The following NCK2 variants were observed in gnomAD, a reference collection of about 807,000 sequenced individuals.
The protein encoded by NCK2 is NCK adaptor protein 2, also known as cytoplasmic protein NCK2.
Under a neutral mutation model 33.9 loss-of-function variants are expected in NCK2, and 16 were observed. That is an observed-to-expected ratio of 0.47 (90% confidence interval 0.32 to 0.72). The LOEUF is 0.72. Among genes scored for constraint, NCK2 ranks in the 30% least tolerant of loss-of-function variants. The pLI is 0.03. For synonymous variants in NCK2, 273 were observed against 239.9 expected, an observed-to-expected ratio of 1.14 and a Z score of -1.27; for missense variants, 418 against 537.3, an observed-to-expected ratio of 0.78 and a Z score of 2.19.
intron 2 of NCK2, among the ~76,000 whole-genome samples, chr2:105,828,265 C>G (rs539570289): frequency 6.6e-6 from 1 of 152,118 alleles, no homozygotes; most frequent in Non-Finnish European, 1.5e-5. Context: ...GGGCACCGTT[C>G]AAGATTGCTG....
intron 1 of NCK2, among the ~76,000 whole-genome samples, chr2:105,753,771 G>A (rs1305619568): frequency 1.3e-5 from 2 of 152,260 alleles, no homozygotes; most frequent in African/African-American, 2.4e-5. Context: ...GGTTCTTGCT[G>A]AAAACCTTGT....
chr2:105,869,813 A>T (rs1272547428), intron 3 of NCK2, among the ~76,000 whole-genome samples: 2 of 152,220 alleles, frequency 1.3e-5, no homozygotes, highest in African/African-American at 4.8e-5. Context: ...ATTTTTAATT[A>T]AAAATTATAA....
chr2:105,813,959 T>G (rs570393759), intron 1 of NCK2, among the ~76,000 whole-genome samples: 1 of 152,328 alleles, frequency 6.6e-6, no homozygotes, highest in East Asian at 1.9e-4. Flanking sequence ...CACACACTCC[T>G]TCTGTATATT....
intron 3 of NCK2, among the ~76,000 whole-genome samples, chr2:105,859,532 C>T (rs1020783458): frequency 3.9e-5 from 6 of 152,212 alleles, no homozygotes; most frequent in African/African-American, 1.4e-4. Flanking sequence ...TGATCCAACC[C>T]AGACCTGGGA....
intron 1 of NCK2, among the ~76,000 whole-genome samples, chr2:105,775,233 G>A (rs1343772464): frequency 6.6e-6 from 1 of 152,148 alleles, no homozygotes; most frequent in East Asian, 1.9e-4. Context: ...CCTAATCAAT[G>A]AGAATTTGCC....
intron 2 of NCK2, among the ~76,000 whole-genome samples, chr2:105,846,273 C>G (rs1002282163): frequency 1.3e-5 from 2 of 151,942 alleles, no homozygotes; most frequent in African/African-American, 4.8e-5. Flanking sequence ...GTAAAATTTC[C>G]CAGACACTAA....
rs1382927137 is a variant in NCK2 at position 105,881,367 on chromosome 2, C to T, written c.266C>T (p.Ala89Val). Residue 89 changes from alanine to valine, a missense_variant, in exon 4 of 5, where the codon GCG becomes GTG. Ala to Val is a moderately conservative substitution (Grantham distance 64). Coordinates refer to ENST00000233154, the MANE Select transcript of NCK2 (RefSeq NM_003581.5). ...CGCAGGAAGACCAGCGCGCGGGATGCGTCCCCCACGCCCAGCACGGACGCC... is the reference window on the plus strand; with the variant it reads ...CGCAGGAAGACCAGCGCGCGGGATGTGTCCCCCACGCCCAGCACGGACGCC... The part of the protein sequence containing the change: ...KTRRKTSARD[A>V]SPTPSTDAEY... The T allele has an allele frequency of 2.5e-6, 4 of 1,607,548 alleles. No homozygotes were observed. In the African/African-American group the frequency reaches 4.0e-5, roughly 16 times the overall value.
At chr2:105,816,968 C>G (rs2104484326) in intron 2 of NCK2, among the ~76,000 whole-genome samples, 1 of 152,204 alleles carries the variant, frequency 6.6e-6, no homozygotes, top group East Asian at 1.9e-4. Flanking sequence ...CTGGTGCTTT[C>G]AGTCTAGGAA....
intron 1 of NCK2, among the ~76,000 whole-genome samples, chr2:105,775,580 A>G (rs1201619378): frequency 2.0e-5 from 3 of 152,042 alleles, no homozygotes; most frequent in Non-Finnish European, 4.4e-5. Flanking sequence ...TTTATGCCTT[A>G]ACTTAAATTG....
intron 1 of NCK2, among the ~76,000 whole-genome samples, chr2:105,790,722 G>A (rs1217308180): frequency 1.1e-4 from 17 of 152,356 alleles, no homozygotes; most frequent in Admixed American, 9.1e-4. Flanking sequence ...GTACATGGGT[G>A]GAGCTTGTCT....
chr2:105,845,989 G>A (rs1259302745), intron 2 of NCK2, among the ~76,000 whole-genome samples: 1 of 152,086 alleles, frequency 6.6e-6, no homozygotes, highest in Non-Finnish European at 1.5e-5. Context: ...GTTGATTCCA[G>A]TGCAGTTATA....
At chr2:105,859,854 G>T (rs1677443599) in intron 3 of NCK2, among the ~76,000 whole-genome samples, 1 of 152,184 alleles carries the variant, frequency 6.6e-6, no homozygotes, top group African/African-American at 2.4e-5. Context: ...CTTCTGTCTT[G>T]GTGATCTGCC....
chr2:105,863,728 G>A (rs570512670), intron 3 of NCK2, among the ~76,000 whole-genome samples: 9 of 152,244 alleles, frequency 5.9e-5, no homozygotes, highest in African/African-American at 2.2e-4. Flanking sequence ...TGCTTTCAGA[G>A]AGCATGTAGC....
chr2:105,776,384 C>T lies in NCK2; in HGVS notation c.-201+31246C>T, dbSNP rs540978051. Among the ~76,000 whole-genome samples the T allele has an allele frequency of 1.8e-4, 28 of 152,366 alleles. No individual in the cohort carries two copies. The South Asian group carries it at 5.8e-3, about 32-fold the overall frequency. Reference sequence around the variant, plus strand: ...GTTTGGGGGAGGGAGTTCAGAACCCCTGTCACCATGCATATACCAGGTGGG... The same window carrying T: ...GTTTGGGGGAGGGAGTTCAGAACCCTTGTCACCATGCATATACCAGGTGGG... On this transcript the variant is annotated intron_variant, in intron 1 of 4. Transcript: ENST00000233154.
chr2:105,844,893 A>C (rs898669350), intron 2 of NCK2, among the ~76,000 whole-genome samples: 3 of 151,706 alleles, frequency 2.0e-5, no homozygotes, highest in Non-Finnish European at 4.4e-5. Context: ...GTTTTCTTAA[A>C]TGATAGGGAT....
At chr2:105,807,500 T>TA (rs1413042909) in intron 1 of NCK2, among the ~76,000 whole-genome samples, 2 of 152,106 alleles carry the variant, frequency 1.3e-5, no homozygotes, top group Non-Finnish European at 2.9e-5. Flanking sequence ...TTGAGAAGTG[T>TA]AAAAATGGCA....
chr2:105,860,247 C>T (rs767764302), intron 3 of NCK2, among the ~76,000 whole-genome samples: 1 of 152,138 alleles, frequency 6.6e-6, no homozygotes, highest in Non-Finnish European at 1.5e-5. Flanking sequence ...GATTGCAACA[C>T]TGCACTCCAG....
At chr2:105,807,884 C>A (rs1366464976) in intron 1 of NCK2, among the ~76,000 whole-genome samples, 1 of 134,120 alleles carries the variant, frequency 7.5e-6, no homozygotes, top group African/African-American at 3.0e-5. Flanking sequence ...CCCTCCCTCC[C>A]TTCTCTCTAT....
intron 1 of NCK2, among the ~76,000 whole-genome samples, chr2:105,787,509 G>A (rs1365453259): frequency 6.6e-6 from 1 of 152,136 alleles, no homozygotes; most frequent in East Asian, 1.9e-4. Flanking sequence ...CCAGAAAGTG[G>A]CCCCCATCAG....
Sources: gnomAD v4.1 joint callset for allele counts (sites outside exome capture counted in the v4.1 genomes callset) on GRCh38, gnomAD v4.1.1 for gene constraint, MANE v1.5 for transcripts, NCBI Gene and HGNC (gene_info 2026-07-23, HGNC 2026-07-21) for gene names.